Variants in EYS observed in about 807,000 individuals in gnomAD.
EYS encodes protein eyes shut homolog.
In EYS, 250 loss-of-function variants were observed where a neutral mutation model predicts 282.1. The observed-to-expected ratio is 0.89, with a 90% CI of 0.80 to 0.98. The LOEUF is 0.98. Ranked by LOEUF, EYS falls within the 50% of genes least tolerant of loss-of-function variation. The pLI is 0.00. For missense variants in EYS, 4,016 were observed against 3,709.0 expected, an observed-to-expected ratio of 1.08 and a Z score of -2.15; for synonymous variants, 1,355 against 1,282.9, an observed-to-expected ratio of 1.06 and a Z score of -1.20.
chr6:63,898,006 G>A (rs766313818), intron 35 of EYS, among the ~76,000 whole-genome samples: 10 of 152,312 alleles, frequency 6.6e-5, no homozygotes, highest in Non-Finnish European at 1.5e-4. Flanking sequence ...CACTGTGACC[G>A]TGGCAGTAGC....
At chr6:64,437,448 A>C (rs962586258) in intron 27 of EYS, among the ~76,000 whole-genome samples, 1 of 151,696 alleles carries the variant, frequency 6.6e-6, no homozygotes. Flanking sequence ...TAATTGTAAT[A>C]ATTTGTCAAT....
intron 12 of EYS, among the ~76,000 whole-genome samples, chr6:65,084,776 AT>A (rs1288104931): frequency 1.3e-5 from 2 of 152,168 alleles, no homozygotes; most frequent in Admixed American, 1.3e-4. Context: ...GTTTAAAAAT[AT>A]TCTTGAAATA....
At chr6:65,675,346 G>T (rs1221169093) in intron 1 of EYS, among the ~76,000 whole-genome samples, 2 of 151,702 alleles carry the variant, frequency 1.3e-5, no homozygotes, top group Non-Finnish European at 2.9e-5. Context: ...CCAAAACCAT[G>T]ATTTAACTAT....
intron 8 of EYS, among the ~76,000 whole-genome samples, chr6:65,353,845 A>C (rs953689755): frequency 2.0e-5 from 3 of 151,974 alleles, no homozygotes; most frequent in South Asian, 4.2e-4. Flanking sequence ...TTTAGCTTTG[A>C]CTCACTCTCA....
At chr6:64,207,343 T>C (rs1234883596) in intron 31 of EYS, among the ~76,000 whole-genome samples, 1 of 152,040 alleles carries the variant, frequency 6.6e-6, no homozygotes, top group African/African-American at 2.4e-5. Context: ...CCCTCAATCT[T>C]GGCCTTCCAA....
intron 31 of EYS, among the ~76,000 whole-genome samples, chr6:64,164,553 T>C (rs1775208158): frequency 1.3e-5 from 2 of 152,118 alleles, no homozygotes; most frequent in Non-Finnish European, 2.9e-5. Context: ...TAAAAGCTAG[T>C]TAAATAGCCA....
intron 12 of EYS, among the ~76,000 whole-genome samples, chr6:65,096,791 T>G (rs1774752011): frequency 6.6e-6 from 1 of 150,926 alleles, no homozygotes; most frequent in Non-Finnish European, 1.5e-5. Context: ...AACTGGATAT[T>G]TACATGCAAA....
At chr6:64,757,785 TGTTTTG>T (rs1315926446) in intron 22 of EYS, among the ~76,000 whole-genome samples, 316 of 147,378 alleles carry the variant, frequency 2.1e-3, no homozygotes, top group African/African-American at 7.7e-3. Context: ...TGTGTGTGTG[TGTTTTG>T]TTTGTTTGTT....
chr6:64,599,974 C>A (rs988515751), intron 24 of EYS, among the ~76,000 whole-genome samples: 1 of 152,114 alleles, frequency 6.6e-6, no homozygotes, highest in Non-Finnish European at 1.5e-5. Context: ...AAAACAGTTT[C>A]TATTATCTCA....
chr6:65,681,026 C>G (rs898465892), intron 1 of EYS, among the ~76,000 whole-genome samples: 2 of 150,940 alleles, frequency 1.3e-5, no homozygotes, highest in Non-Finnish European at 3.0e-5. Context: ...ATCTGGCAAC[C>G]AAATGTCATC....
At chr6:65,377,925 C>T (rs753413392) in intron 8 of EYS, among the ~76,000 whole-genome samples, 1 of 151,918 alleles carries the variant, frequency 6.6e-6, no homozygotes, top group Non-Finnish European at 1.5e-5. Flanking sequence ...CCCTACCAAC[C>T]AAAAAAAGCC....
intron 29 of EYS, among the ~76,000 whole-genome samples, chr6:64,324,285 T>C (rs1021635114): frequency 1.3e-5 from 2 of 152,168 alleles, no homozygotes; most frequent in Non-Finnish European, 2.9e-5. Context: ...TAATTCACCA[T>C]GATGAGGTAG....
rs141132737 is a variant in EYS at position 64,738,554 on chromosome 6, G to A, written c.3443+74824C>T. Among the ~76,000 whole-genome samples the A allele has an allele frequency of 3.5e-3, 530 of 152,138 alleles. 4 individuals are homozygous for A. Among genetic ancestry groups the A allele is most frequent in the African/African-American group, 0.012 (509 of 41,518 alleles). On this transcript the variant is annotated intron_variant, in intron 22 of 42. Coordinates refer to ENST00000503581, the MANE Select transcript of EYS (RefSeq NM_001142800.2). ...TAATGCAGGATAAAATATGTGTTGT[G>A]GAATTTTGGTGATGCTACTTTCAAG...
chr6:64,054,483 G>A lies in EYS; in HGVS notation c.6725+11855C>T, dbSNP rs1041742189. 3.3e-5 allele frequency among the ~76,000 whole-genome samples: 5 copies of A among 152,082 alleles called. No individual in the cohort carries two copies. In the East Asian group the frequency reaches 9.6e-4, roughly 29 times the overall value. On this transcript the variant is annotated intron_variant, in intron 33 of 42. Transcript: ENST00000503581. The stretch of plus-strand genomic sequence containing the variant: ...GACTTGGGTATTAGAGGAGGATAAA[G>A]GTGGAAGGAGCTGAGAAAAAAGCTT...
chr6:65,490,526 T>G, intron 5 of EYS, 68 bp downstream of exon 5: 1 of 859,518 alleles, frequency 1.2e-6, no homozygotes, highest in Non-Finnish European at 1.9e-6. Flanking sequence ...ATTTCACATT[T>G]AATTTGAAAT....
intron 2 of EYS, among the ~76,000 whole-genome samples, chr6:65,613,285 TTTA>T (rs1338257487): frequency 6.6e-5 from 10 of 152,014 alleles, no homozygotes; most frequent in African/African-American, 1.9e-4. Context: ...CTAAATTAAT[TTTA>T]TTATTTAATA....
intron 22 of EYS, chr6:64,729,083 T>TG (rs889227083): frequency 2.0e-5 from 3 of 152,598 alleles, no homozygotes; most frequent in African/African-American, 7.2e-5. Flanking sequence ...GGCACAGGAT[T>TG]GGGGGAAGAG....
At chr6:65,640,246 T>G (rs1036103460) in intron 1 of EYS, among the ~76,000 whole-genome samples, 2 of 152,198 alleles carry the variant, frequency 1.3e-5, no homozygotes, top group Non-Finnish European at 2.9e-5. Context: ...AATGCCATAC[T>G]GGAAAGAAAT....
chr6:65,683,837 T>C (rs1040391655), intron 1 of EYS, among the ~76,000 whole-genome samples: 1 of 151,998 alleles, frequency 6.6e-6, no homozygotes, highest in Non-Finnish European at 1.5e-5. Context: ...AGTATCTGAA[T>C]GTATCCACTC....
Sources: allele counts gnomAD v4.1 joint callset (sites outside exome capture counted in the v4.1 genomes callset), GRCh38; gene constraint gnomAD v4.1.1; transcripts MANE v1.5; gene names NCBI Gene and HGNC (gene_info 2026-07-23, HGNC 2026-07-21).